Variants in CENPM observed in about 807,000 individuals in gnomAD.
CENPM encodes interphase centromere complex protein 39.
Under a neutral mutation model 19.6 loss-of-function variants are expected in CENPM, and 14 were observed. That is an observed-to-expected ratio of 0.71 (90% CI 0.47 to 1.11). The LOEUF (loss-of-function observed/expected upper bound fraction) is 1.11. CENPM is among the 50% of genes most tolerant of loss of function. The pLI is 0.00. For synonymous variants in CENPM, 114 were observed against 101.5 expected, an observed-to-expected ratio of 1.12 and a Z score of -0.74; for missense variants, 239 against 228.4, an observed-to-expected ratio of 1.05 and a Z score of -0.30.
intron 3 of CENPM, 168 bp from the exon 4 acceptor site, chr22:41,945,472 A>G (rs2077789417): frequency 1.9e-6 from 2 of 1,029,102 alleles, no homozygotes; most frequent in Non-Finnish European, 1.3e-6. Context: ...TTTTTTTTAG[A>G]TGGAGTTTCA....
downstream of CENPM, among the ~76,000 whole-genome samples, chr22:41,936,657 T>C (rs1305997465): frequency 2.0e-5 from 3 of 152,182 alleles, no homozygotes; most frequent in South Asian, 2.1e-4. Flanking sequence ...CCGGCCGCGG[T>C]GACTCTCACA....
chr22:41,944,991 C>G, intron 4 of CENPM: 1 of 1,362,628 alleles, frequency 7.3e-7, no homozygotes, highest in Non-Finnish European at 9.5e-7. Flanking sequence ...GTAGTTAAAA[C>G]TTGTGTCATG....
rs757973961 is a variant in CENPM, at chr22:41,939,146, C to A, written c.453G>T (p.Gln151His). Residue 151 changes from glutamine to histidine, a missense_variant, in exon 6 of 6, where the codon CAG (glutamine) becomes CAT (histidine). Transcript: ENST00000215980. ...CACCGGGCACGTGGCCAGCACAGATCTGCAGCACGCGCACCAGGCGCTGCG... is the reference window on the plus strand; with the variant it reads ...CACCGGGCACGTGGCCAGCACAGATATGCAGCACGCGCACCAGGCGCTGCG... ...TMAQRLVRVL[Q>H]ICAGHVPGVS... 2 of 1,612,788 alleles carry A rather than the reference C, an allele frequency of 1.2e-6. No individual in the cohort carries two copies. Among genetic ancestry groups the A allele is most frequent in the South Asian group, 1.1e-5 (1 of 91,052 alleles).
chr22:41,942,638 C>T (rs571431017), intron 5 of CENPM, among the ~76,000 whole-genome samples: 54 of 151,656 alleles, frequency 3.6e-4, no homozygotes, highest in Non-Finnish European at 6.9e-4. Context: ...GTAGTCCCAG[C>T]TACTTGGGAG....
chr22:41,935,340 C>A (rs1446612284), downstream of CENPM, among the ~76,000 whole-genome samples: 2 of 152,110 alleles, frequency 1.3e-5, no homozygotes, highest in Non-Finnish European at 2.9e-5. Context: ...AGTGACATCC[C>A]AGATCAGGCA....
At chr22:41,940,280 T>A (rs2077727717) in intron 5 of CENPM, 1 of 669,858 alleles carries the variant, frequency 1.5e-6, no homozygotes, top group Non-Finnish European at 2.8e-6. Flanking sequence ...GTTCCCTGGT[T>A]ACCCTGCCTA....
At chr22:41,935,494 G>C (rs1472300629), downstream of CENPM, among the ~76,000 whole-genome samples, 1 of 152,188 alleles carries the variant, frequency 6.6e-6, no homozygotes, top group African/African-American at 2.4e-5. Context: ...CACTCTCTGG[G>C]AAGGCTGGCC....
the CENPM span, among the ~76,000 whole-genome samples, chr22:41,928,573 C>A: frequency 6.6e-6 from 1 of 152,034 alleles, no homozygotes; most frequent in Admixed American, 6.5e-5. The surrounding 1 kb of genome is among the most constrained non-coding windows in gnomAD (Gnocchi z 4.0). Flanking sequence ...CAGAGGGAGA[C>A]CCTGAGCAGC....
the CENPM span, among the ~76,000 whole-genome samples, chr22:41,931,428 T>C: frequency 1.3e-5 from 2 of 151,204 alleles, no homozygotes; most frequent in African/African-American, 4.9e-5. Flanking sequence ...TACAGTGAGC[T>C]GAGGTCGTGC....
chr22:41,939,830 G>GAAAGAAAAAGAAAGAAAAAGAAAGAA (rs1569425768), intron 5 of CENPM, among the ~76,000 whole-genome samples: 1 of 21,426 alleles, frequency 4.7e-5, no homozygotes, highest in Non-Finnish European at 7.6e-5. Flanking sequence ...AAGAAAGAAA[G>GAAAGAAAAAGAAAGAAAAAGAAAGAA]AAAGAAAGAA....
the CENPM span, among the ~76,000 whole-genome samples, chr22:41,929,550 C>T: frequency 6.6e-6 from 1 of 152,230 alleles, no homozygotes; most frequent in Admixed American, 6.5e-5. Flanking sequence ...GGAGACTGCT[C>T]TCAAGGCCAG....
intron 4 of CENPM, 141 bp downstream of exon 4, chr22:41,945,084 G>A: frequency 6.5e-7 from 1 of 1,529,284 alleles, no homozygotes; most frequent in Middle Eastern, 2.1e-4. Flanking sequence ...CCTTCTTCCT[G>A]CCCTCCACCC....
the CENPM span, among the ~76,000 whole-genome samples, chr22:41,932,375 C>T: frequency 2.0e-5 from 3 of 152,180 alleles, no homozygotes; most frequent in Admixed American, 1.3e-4. This position sits in a 1 kb window ranked among gnomAD's most constrained non-coding sequence, Gnocchi z 4.3. Flanking sequence ...AAAGTCCTGG[C>T]GAGTCCAGAG....
downstream of CENPM, among the ~76,000 whole-genome samples, chr22:41,935,651 G>A (rs959938396): frequency 6.6e-6 from 1 of 152,140 alleles, no homozygotes; most frequent in African/African-American, 2.4e-5. Flanking sequence ...TGCTGCGGGC[G>A]AAGGCCTGCT....
rs574462484 is a variant in CENPM, at chr22:41,943,086, C to T, written c.402+524G>A. Among the ~76,000 whole-genome samples, 4 of 152,220 alleles carry T rather than the reference C, an allele frequency of 2.6e-5. No individual in the cohort carries two copies. In the East Asian group the frequency reaches 7.7e-4, roughly 29 times the overall value. ...ATCTACCCACCTACCCAACAAACATCCCTATTGCCTGCTGGGTACCCTAGC... is the reference window on the plus strand; with the variant it reads ...ATCTACCCACCTACCCAACAAACATTCCTATTGCCTGCTGGGTACCCTAGC... On this transcript the variant is annotated intron_variant, in intron 5 of 5. Transcript: ENST00000215980.
At chr22:41,946,365 T>A in intron 2 of CENPM, 52 bp downstream of exon 2, 1 of 1,480,960 alleles carries the variant, frequency 6.8e-7, no homozygotes, top group South Asian at 1.2e-5. Context: ...TAGGACCGAA[T>A]CCCTCTGGAG....
intron 5 of CENPM, among the ~76,000 whole-genome samples, chr22:41,941,052 C>T (rs2077734319): frequency 6.6e-6 from 1 of 152,174 alleles, no homozygotes; most frequent in South Asian, 2.1e-4. Context: ...TACATGTCTG[C>T]TTATTTCATG....
the CENPM span, among the ~76,000 whole-genome samples, chr22:41,933,565 C>G: frequency 6.6e-6 from 1 of 152,162 alleles, no homozygotes; most frequent in Non-Finnish European, 1.5e-5. Flanking sequence ...TACCTACCCA[C>G]TCTCCCCAGG....
intron 4 of CENPM, chr22:41,944,155 A>AGAGGACG (rs1409956997): frequency 2.8e-5 from 28 of 985,320 alleles, no homozygotes; most frequent in Non-Finnish European, 3.1e-5. Context: ...GTAAACAAAA[A>AGAGGACG]GAGGACGGCC....
Sources: gnomAD v4.1 joint callset for allele counts (sites outside exome capture counted in the v4.1 genomes callset) on GRCh38, gnomAD v4.1.1 for gene constraint, Gnocchi (gnomAD v3.1) non-coding constraint, MANE v1.5 for transcripts, NCBI Gene and HGNC (gene_info 2026-07-23, HGNC 2026-07-21) for gene names.